UCK2: variants seen among roughly 807,000 people sequenced by gnomAD.
The protein encoded by UCK2 is cytidine monophosphokinase 2.
In UCK2, 6 loss-of-function variants were observed where a neutral mutation model predicts 30.8. That is an observed-to-expected ratio of 0.19 (90% CI 0.11 to 0.38). The LOEUF (loss-of-function observed/expected upper bound fraction) is 0.38. UCK2 is among the 10% of genes least tolerant of loss of function. The pLI is 1.00. For synonymous variants in UCK2, 125 were observed against 133.6 expected, an observed-to-expected ratio of 0.94 and a Z score of 0.45; for missense variants, 210 against 339.8, an observed-to-expected ratio of 0.62 and a Z score of 3.00.
At chr1:165,885,964 GT>G (rs796121232) in intron 1 of UCK2, among the ~76,000 whole-genome samples, 21 of 152,154 alleles carry the variant, frequency 1.4e-4, no homozygotes, top group African/African-American at 4.8e-4. Context: ...TCTCAGTGGT[GT>G]TGAGTATATT....
At position 165,862,168 on chromosome 1, in the gene UCK2, A is replaced by C. The variant is rs148762780; in HGVS notation, c.100-28036A>C. Among the ~76,000 whole-genome samples, 60 of 152,328 alleles carry C rather than the reference A, an allele frequency of 3.9e-4. 2 individuals carry two copies. The highest frequency in any genetic ancestry group is 1.4e-3 in the African/African-American group (60 of 41,566). ...CATCAATCTCTTTGTTCATATGCAC[A>C]GGCTCTTAATCTCTGTTTTCCCTTT... On this transcript the variant is annotated intron_variant, in intron 1 of 6. Transcript: ENST00000367879.
chr1:165,900,560 C>T (rs1219643684), intron 4 of UCK2: 1 of 152,174 alleles, frequency 6.6e-6, no homozygotes, highest in Non-Finnish European at 1.5e-5. Context: ...TGATTTACCT[C>T]CTCCTCCTAC....
intron 1 of UCK2, among the ~76,000 whole-genome samples, chr1:165,842,586 T>G (rs1465176533): frequency 1.3e-5 from 2 of 152,158 alleles, no homozygotes; most frequent in African/African-American, 4.8e-5. Context: ...TTTCTGAATT[T>G]CTCTTGAAAT....
intron 1 of UCK2, among the ~76,000 whole-genome samples, chr1:165,867,595 C>G (rs1655078757): frequency 6.6e-6 from 1 of 152,228 alleles, no homozygotes; most frequent in South Asian, 2.1e-4. Context: ...GATTCCATCT[C>G]AAGAAACTAC....
intron 1 of UCK2, among the ~76,000 whole-genome samples, chr1:165,834,269 T>G (rs1654127467): frequency 6.6e-6 from 1 of 152,188 alleles, no homozygotes; most frequent in South Asian, 2.1e-4. Context: ...TAGTACTTAC[T>G]AAATCATGAT....
rs186956206 is a variant in UCK2 at position 165,863,097 on chromosome 1, A to G, written c.100-27107A>G. Among the ~76,000 whole-genome samples, 21 of 152,344 alleles carry G rather than the reference A, an allele frequency of 1.4e-4. No individual in the cohort carries two copies. The East Asian group carries it at 2.9e-3, about 21-fold the overall frequency. The stretch of plus-strand genomic sequence containing the variant: ...GAGATAGACAGCTATTGTGATGTCT[A>G]TCAGAGGACACTGTCTTCTCCCGTG... On this transcript the variant is annotated intron_variant, in intron 1 of 6. Coordinates refer to ENST00000367879, the MANE Select transcript of UCK2 (RefSeq NM_012474.5).
intron 1 of UCK2, 26 bp downstream of exon 1, chr1:165,827,958 C>T: frequency 2.3e-6 from 3 of 1,304,544 alleles, no homozygotes; most frequent in Non-Finnish European, 3.0e-6. Flanking sequence ...GAGCCGCGCT[C>T]CCTTCCCGGC....
chr1:165,864,821 AG>A (rs11296145), intron 1 of UCK2, among the ~76,000 whole-genome samples: 31,721 of 152,008 alleles, frequency 0.21, 3,813 homozygotes, highest in South Asian at 0.4. Context: ...CCAGGACTAC[AG>A]GGGTGAGCCA....
chr1:165,860,530 C>T (rs1654868420), intron 1 of UCK2, among the ~76,000 whole-genome samples: 2 of 152,112 alleles, frequency 1.3e-5, no homozygotes, highest in South Asian at 4.1e-4. Flanking sequence ...CTCACTGCAG[C>T]TTCGACCTCC....
intron 1 of UCK2, among the ~76,000 whole-genome samples, chr1:165,844,761 T>C (rs1654407595): frequency 6.6e-6 from 1 of 152,074 alleles, no homozygotes; most frequent in East Asian, 1.9e-4. Context: ...GAAGTTTTCA[T>C]AAAAACCCAA....
chr1:165,853,767 T>C (rs754369987), intron 1 of UCK2, among the ~76,000 whole-genome samples: 1 of 152,200 alleles, frequency 6.6e-6, no homozygotes, highest in Non-Finnish European at 1.5e-5. Flanking sequence ...TTCATTCTTA[T>C]CTCTGTGCTG....
At chr1:165,905,638 G>A (rs546390) in intron 5 of UCK2, among the ~76,000 whole-genome samples, 152,366 of 152,368 alleles carry the variant, frequency 1, 76,182 homozygotes, top group Non-Finnish European at 1. Context: ...CCTCACTGAT[G>A]CATGAAAGTC....
At chr1:165,886,904 T>C (rs1026317773) in intron 1 of UCK2, among the ~76,000 whole-genome samples, 2 of 152,158 alleles carry the variant, frequency 1.3e-5, no homozygotes, top group Non-Finnish European at 2.9e-5. Context: ...TAGGGCCCAT[T>C]TGTAATATGG....
intron 2 of UCK2, among the ~76,000 whole-genome samples, chr1:165,890,623 C>G (rs1655741942): frequency 6.6e-6 from 1 of 152,108 alleles, no homozygotes. Context: ...GCCTGGGACT[C>G]AAGATGGGCC....
intron 1 of UCK2, among the ~76,000 whole-genome samples, chr1:165,851,986 A>G (rs1317115623): frequency 6.6e-6 from 1 of 152,152 alleles, no homozygotes; most frequent in African/African-American, 2.4e-5. Flanking sequence ...TCTATCATTG[A>G]TGGGCATCTG....
chr1:165,831,228 G>A lies in UCK2; in HGVS notation c.99+3296G>A, dbSNP rs1013268119. 6.6e-4 allele frequency among the ~76,000 whole-genome samples: 101 copies of A among 152,160 alleles called. 1 individual carries two copies. The highest frequency in any genetic ancestry group is 2.2e-3 in the African/African-American group (91 of 41,500). ...AGCCTGGGCAACAGAGAGAGACCCC[G>A]TCTCTACGAAAAATTAAAAATTAGC... is the stretch of plus-strand genomic sequence containing the variant. On this transcript the variant is annotated intron_variant, in intron 1 of 6. Coordinates refer to ENST00000367879, the MANE Select transcript of UCK2 (RefSeq NM_012474.5).
chr1:165,847,921 G>A (rs368905899), intron 1 of UCK2, among the ~76,000 whole-genome samples: 2 of 152,014 alleles, frequency 1.3e-5, no homozygotes, highest in East Asian at 3.9e-4. Context: ...GGCTGGTCTC[G>A]AACTCCTAAC....
At chr1:165,876,871 G>T (rs1655350223) in intron 1 of UCK2, among the ~76,000 whole-genome samples, 1 of 152,164 alleles carries the variant, frequency 6.6e-6, no homozygotes, top group Non-Finnish European at 1.5e-5. Flanking sequence ...ACCTTTATAT[G>T]GCTTTCCCTC....
At chr1:165,873,288 C>G (rs890354340) in intron 1 of UCK2, among the ~76,000 whole-genome samples, 3 of 152,156 alleles carry the variant, frequency 2.0e-5, no homozygotes, top group African/African-American at 7.2e-5. Context: ...AGACTTCACC[C>G]CTCACTGGAG....
Sources: allele counts gnomAD v4.1 joint callset (sites outside exome capture counted in the v4.1 genomes callset), GRCh38; gene constraint gnomAD v4.1.1; transcripts MANE v1.5; gene names NCBI Gene and HGNC (gene_info 2026-07-23, HGNC 2026-07-21).